Variants in BDP1 observed in about 807,000 individuals in gnomAD.
The protein encoded by BDP1 is transcription factor TFIIIB component B'' homolog.
Under a neutral mutation model 266.6 loss-of-function variants are expected in BDP1, and 169 were observed. The observed-to-expected ratio is 0.63, with a 90% CI of 0.56 to 0.72. The LOEUF (loss-of-function observed/expected upper bound fraction) is 0.72, where lower values mean the gene tolerates loss of function less well. Ranked by LOEUF, BDP1 falls within the 30% of genes least tolerant of loss-of-function variation. The probability of loss-of-function intolerance (pLI) is 0.00; values close to 1 mark genes in which losing one functional copy is unlikely to be tolerated. For synonymous variants in BDP1, 1,090 were observed against 1,022.4 expected (o/e 1.07, Z -1.26); for missense variants, 3,015 against 3,053.8 (o/e 0.99, Z 0.30).
rs1393605222 is a variant in BDP1, at chr5:71,497,367, T to C, written c.1897T>C (p.Ser633Pro). The C allele has an allele frequency of 6.2e-7, 1 of 1,613,718 alleles. No individual in the cohort carries two copies. The highest frequency in any genetic ancestry group is 2.2e-5 in the East Asian group (1 of 44,826). Residue 633 changes from serine (S) to proline (P), a missense_variant, in exon 13 of 39, where the codon TCA (serine) becomes CCA (proline). Transcript: ENST00000358731. ...LSRAGKKSVL[S>P]QGKTESESKN... ...AAGGGCTGGGAAGAAATCAGTTCTT[T>C]CACAAGGCAAAACAGAGTCAGAGAG...
intron 7 of BDP1, among the ~76,000 whole-genome samples, chr5:71,480,726 G>C (rs964937963): frequency 1.3e-5 from 2 of 149,870 alleles, no homozygotes; most frequent in African/African-American, 4.9e-5. Context: ...ACCATGCCTG[G>C]CTAATTTTTG....
At chr5:71,548,929 T>G (rs1742535157) in intron 33 of BDP1, among the ~76,000 whole-genome samples, 184 bp downstream of exon 33, 2 of 152,244 alleles carry the variant, frequency 1.3e-5, no homozygotes, top group African/African-American at 4.8e-5. Flanking sequence ...GTCATAAATC[T>G]TCTCCCTAGT....
At chr5:71,474,959 T>G (rs1390407274) in intron 7 of BDP1, among the ~76,000 whole-genome samples, 1 of 152,082 alleles carries the variant, frequency 6.6e-6, no homozygotes, top group African/African-American at 2.4e-5. Flanking sequence ...TATTAATTAT[T>G]ACTGATTAAG....
rs1469300787 is a variant in BDP1, at chr5:71,562,315, C to G, written c.7538C>G (p.Ser2513Ter). ...CTGGGATTTTTATCTTTAATATGCTCAAAGAATAGTTTGGAGTCTGATGAA... is the reference window on the plus strand; with the variant it reads ...CTGGGATTTTTATCTTTAATATGCTGAAAGAATAGTTTGGAGTCTGATGAA... ...RPLGFLSLIC[S>*]KNSLESDEPM... The change falls in exon 38 of 39, where the codon TCA becomes TGA. Residue 2513 changes from serine (S) to a stop codon, truncating the protein, a stop_gained. Coordinates refer to ENST00000358731, the MANE Select transcript of BDP1 (RefSeq NM_018429.3). LOFTEE classifies it high-confidence loss of function. 3 of 1,600,008 alleles carry G rather than the reference C, an allele frequency of 1.9e-6. No homozygotes were observed. The highest frequency in any genetic ancestry group is 2.7e-5 in the African/African-American group (2 of 73,942).
intron 11 of BDP1, among the ~76,000 whole-genome samples, chr5:71,492,324 C>G (rs759140926): frequency 9.9e-5 from 15 of 152,132 alleles, no homozygotes; most frequent in Non-Finnish European, 1.9e-4. Flanking sequence ...CATACTGTTT[C>G]CAATAGCGGG....
At chr5:71,548,654 A>C in intron 32 of BDP1, 28 bp from the exon 33 acceptor site, 1 of 1,483,268 alleles carries the variant, frequency 6.7e-7, no homozygotes, top group Non-Finnish European at 9.4e-7. Flanking sequence ...GGCCAACCTG[A>C]CTCTTTCATT....
At chr5:71,525,748 C>T (rs953409143) in intron 25 of BDP1, among the ~76,000 whole-genome samples, 10 of 151,744 alleles carry the variant, frequency 6.6e-5, no homozygotes, top group Admixed American at 2.0e-4. Context: ...ACCCCCACCT[C>T]CCTCCCGGAC....
In BDP1 at chr5:71,504,647, G is replaced by A. The variant is rs201697508; in HGVS notation, c.2268G>A (p.Ser756=). 6.6e-5 allele frequency: 107 copies of A among 1,613,360 alleles called. No homozygotes were observed. The highest frequency in any genetic ancestry group is 4.5e-5 in the East Asian group (2 of 44,778). Residue 756 remains serine, a synonymous_variant, in exon 16 of 39, where the codon TCG becomes TCA. Transcript: ENST00000358731. ...CTCCTCAACACATGGAAGATCAATC[G>A]CGTAAAGATTTTGAAGAGGAAGATG... is the stretch of plus-strand genomic sequence containing the variant. ...RDTPQHMEDQ[S]RKDFEEEDVI...
chr5:71,478,230 C>T (rs1311756066), intron 7 of BDP1, among the ~76,000 whole-genome samples: 1 of 152,046 alleles, frequency 6.6e-6, no homozygotes, highest in Non-Finnish European at 1.5e-5. Flanking sequence ...GCCTGGGTAA[C>T]AAGAGCAAAA....
chr5:71,456,971 A>G lies in BDP1; in HGVS notation c.212+882A>G, dbSNP rs144466593. 1.9e-3 allele frequency among the ~76,000 whole-genome samples: 294 copies of G among 152,272 alleles called. 2 individuals carry two copies. Among genetic ancestry groups the G allele is most frequent in the African/African-American group, 6.8e-3 (281 of 41,560 alleles). On this transcript the variant is annotated intron_variant, in intron 1 of 38. Coordinates refer to ENST00000358731, the MANE Select transcript of BDP1 (RefSeq NM_018429.3). ...ATTTATTTTTGGAACATCTTCCTCTATTGGCCTGAACTGGTGCTGAGTGTA... is the reference window on the plus strand; with the variant it reads ...ATTTATTTTTGGAACATCTTCCTCTGTTGGCCTGAACTGGTGCTGAGTGTA...
chr5:71,467,602 A>G (rs1275577120), intron 6 of BDP1, 115 bp downstream of exon 6: 3 of 868,452 alleles, frequency 3.5e-6, no homozygotes, highest in Non-Finnish European at 5.3e-6. Context: ...ATTTTATTCC[A>G]GCTAATTTTA....
chr5:71,531,526 G>A (rs1438945540), intron 25 of BDP1, among the ~76,000 whole-genome samples: 1 of 151,950 alleles, frequency 6.6e-6, no homozygotes, highest in African/African-American at 2.4e-5. Context: ...ATTTATTTTT[G>A]AGAACAACTT....
intron 16 of BDP1, 49 bp downstream of exon 16, chr5:71,504,800 T>C: frequency 6.3e-7 from 1 of 1,585,226 alleles, no homozygotes; most frequent in Non-Finnish European, 8.6e-7. Flanking sequence ...GTAAAAAGTT[T>C]TAGAACTCAA....
chr5:71,485,310 G>A (rs886122402), intron 8 of BDP1, among the ~76,000 whole-genome samples: 3 of 152,058 alleles, frequency 2.0e-5, no homozygotes, highest in Non-Finnish European at 4.4e-5. Context: ...CATTGATTTG[G>A]AGGCTTTCTA....
chr5:71,470,555 A>G (rs1762176016), intron 7 of BDP1, 66 bp downstream of exon 7: 3 of 1,013,184 alleles, frequency 3.0e-6, no homozygotes, highest in African/African-American at 1.6e-5. Context: ...TAGTAGTATT[A>G]TTCGCTTACC....
At chr5:71,539,707 A>C (rs1193563730) in intron 28 of BDP1, 58 bp downstream of exon 28, 32 of 1,159,160 alleles carry the variant, frequency 2.8e-5, no homozygotes, top group Non-Finnish European at 3.4e-5. Flanking sequence ...TAACTTAAGA[A>C]ATTATACCCA....
chr5:71,506,342 A>G (rs948264967), intron 16 of BDP1, among the ~76,000 whole-genome samples: 2 of 152,182 alleles, frequency 1.3e-5, no homozygotes, highest in African/African-American at 4.8e-5. Flanking sequence ...CTCAAAAGCA[A>G]TTCTAAGATT....
At position 71,455,946 on chromosome 5, in the gene BDP1, A is replaced by T; in HGVS notation, c.69A>T (p.Thr23=). Residue 23 remains threonine (T), a synonymous_variant, in exon 1 of 39, where the codon ACA becomes ACT. Coordinates refer to ENST00000358731, the MANE Select transcript of BDP1 (RefSeq NM_018429.3). ...CTGGTGTAGGCGCCAGGGGCTCCACAGCTTCCAATCCCCAGCGTGGACGGG... is the reference window on the plus strand; with the variant it reads ...CTGGTGTAGGCGCCAGGGGCTCCACTGCTTCCAATCCCCAGCGTGGACGGG... ...VRPGVGARGS[T]ASNPQRGRES... 1 of 1,612,642 alleles carries T rather than the reference A, an allele frequency of 6.2e-7. No individual in the cohort carries two copies. Among genetic ancestry groups the T allele is most frequent in the East Asian group, 2.2e-5 (1 of 44,856 alleles).
chr5:71,556,419 A>G (rs1743217916), intron 35 of BDP1, among the ~76,000 whole-genome samples: 1 of 152,132 alleles, frequency 6.6e-6, no homozygotes. Context: ...AGATTGCAAT[A>G]GTTATATTTT....
Sources: allele counts gnomAD v4.1 joint callset (sites outside exome capture counted in the v4.1 genomes callset), GRCh38; gene constraint gnomAD v4.1.1; transcripts MANE v1.5; gene names NCBI Gene and HGNC (gene_info 2026-07-23, HGNC 2026-07-21).